NFKB1: variants seen among roughly 807,000 people sequenced by gnomAD.
NFKB1 encodes nuclear factor NF-kappa-B p105 subunit.
NFKB1 carries 9 observed loss-of-function variants against 105.1 expected under a neutral mutation model. The ratio of observed to expected loss-of-function variants is 0.09; its 90% CI spans 0.05 to 0.15. NFKB1 has a LOEUF of 0.15. NFKB1 is among the 10% of genes least tolerant of loss of function. NFKB1 has a pLI of 1.00. For synonymous variants in NFKB1, 440 were observed against 442.2 expected (o/e 1.00, Z 0.06); for missense variants, 830 against 1,203.7 (o/e 0.69, Z 4.59).
intron 1 of NFKB1, among the ~76,000 whole-genome samples, chr4:102,505,865 AGTT>A (rs780030823): frequency 6.6e-6 from 1 of 150,866 alleles, no homozygotes; most frequent in Non-Finnish European, 1.5e-5. Flanking sequence ...AATGATATGA[AGTT>A]GTTGCAAAAT....
In NFKB1 at chr4:102,601,837, C is replaced by T. The variant is rs981936240; in HGVS notation, c.1752+828C>T. 2.6e-5 allele frequency among the ~76,000 whole-genome samples: 4 copies of T among 152,176 alleles called. No homozygotes were observed. The South Asian group carries it at 8.3e-4, about 31-fold the overall frequency. Reference sequence around the variant, plus strand: ...AGATGGGGTTCGGCTCCTGAGGTTTCCTCCTTCCTGCCCCTGATTGCTTTT... The same window carrying T: ...AGATGGGGTTCGGCTCCTGAGGTTTTCTCCTTCCTGCCCCTGATTGCTTTT... On this transcript the variant is annotated intron_variant, in intron 16 of 23. Coordinates refer to ENST00000226574, the MANE Select transcript of NFKB1 (RefSeq NM_003998.4).
chr4:102,556,438 A>G (rs745533602), intron 5 of NFKB1, among the ~76,000 whole-genome samples: 25 of 152,334 alleles, frequency 1.6e-4, no homozygotes, highest in Non-Finnish European at 3.5e-4. Flanking sequence ...CTGCTGAAAC[A>G]TCTCTTTGAG....
At chr4:102,524,633 C>A (rs951078250) in intron 1 of NFKB1, among the ~76,000 whole-genome samples, 2 of 152,194 alleles carry the variant, frequency 1.3e-5, no homozygotes, top group South Asian at 2.1e-4. Context: ...ATACAACTCA[C>A]CATAATGTAG....
At chr4:102,612,704 G>A (rs1728540261) in intron 22 of NFKB1, 98 bp downstream of exon 22, 5 of 1,227,270 alleles carry the variant, frequency 4.1e-6, no homozygotes, top group South Asian at 1.5e-5. Context: ...CCTTAACTCT[G>A]AAGAAGAAAA....
intron 2 of NFKB1, among the ~76,000 whole-genome samples, chr4:102,529,152 T>C (rs1322016172): frequency 6.6e-6 from 1 of 152,168 alleles, no homozygotes; most frequent in African/African-American, 2.4e-5. Flanking sequence ...AAGGTAGCAC[T>C]CACAGTTTCT....
chr4:102,569,342 T>C (rs902013839), intron 6 of NFKB1, among the ~76,000 whole-genome samples: 2 of 152,122 alleles, frequency 1.3e-5, no homozygotes, highest in African/African-American at 4.8e-5. Flanking sequence ...CACTACAGAA[T>C]CTTATCTTCA....
At chr4:102,606,120 C>T (rs1394517584) in intron 16 of NFKB1, among the ~76,000 whole-genome samples, 1 of 152,134 alleles carries the variant, frequency 6.6e-6, no homozygotes, top group Non-Finnish European at 1.5e-5. Flanking sequence ...TAACCCACCA[C>T]AGAAAAAATT....
In NFKB1 at chr4:102,610,656, T is replaced by A. The variant is rs1364255980; in HGVS notation, c.2309T>A (p.Val770Asp). ...SWENAGEDEG[V>D]VPGTTPLDMA... Reference sequence around the variant, plus strand: ...GAAAATGCAGGAGAGGATGAAGGAGTTGTGCCTGGAACCACGCCTCTAGAT... The same window carrying A: ...GAAAATGCAGGAGAGGATGAAGGAGATGTGCCTGGAACCACGCCTCTAGAT... Residue 770 changes from valine to aspartate, a missense_variant, in exon 20 of 24, where the codon GTT becomes GAT. Coordinates refer to ENST00000226574, the MANE Select transcript of NFKB1 (RefSeq NM_003998.4). 1.2e-6 allele frequency: 2 copies of A among 1,613,658 alleles called. No individual in the cohort carries two copies. The highest frequency in any genetic ancestry group is 1.7e-6 in the Non-Finnish European group (2 of 1,179,856).
At chr4:102,577,755 T>C in intron 7 of NFKB1, 1 of 905,130 alleles carries the variant, frequency 1.1e-6, no homozygotes. Context: ...TGACTCCCCC[T>C]CCTCGCCTGT....
intron 19 of NFKB1, among the ~76,000 whole-genome samples, chr4:102,608,772 T>C (rs969131618): frequency 3.3e-5 from 5 of 152,152 alleles, no homozygotes; most frequent in African/African-American, 1.2e-4. Flanking sequence ...TTTTGTTAAA[T>C]AGAACTTTTT....
intron 5 of NFKB1, among the ~76,000 whole-genome samples, chr4:102,555,678 C>G (rs183885442): frequency 2.0e-5 from 3 of 152,172 alleles, no homozygotes; most frequent in African/African-American, 7.2e-5. Flanking sequence ...AGCAAAGGCT[C>G]AAAAGTAGAA....
At chr4:102,573,517 A>G (rs934325704) in intron 6 of NFKB1, among the ~76,000 whole-genome samples, 31 of 152,004 alleles carry the variant, frequency 2.0e-4, no homozygotes, top group Non-Finnish European at 3.5e-4. Flanking sequence ...GGATATTAGC[A>G]TAGTTTCCTT....
intron 3 of NFKB1, among the ~76,000 whole-genome samples, chr4:102,533,586 A>G (rs1296365022): frequency 6.6e-6 from 1 of 152,224 alleles, no homozygotes; most frequent in Non-Finnish European, 1.5e-5. Context: ...TTATTGGGTT[A>G]GGAAATGTGC....
chr4:102,518,095 A>G (rs1740322637), intron 1 of NFKB1, among the ~76,000 whole-genome samples: 1 of 152,214 alleles, frequency 6.6e-6, no homozygotes, highest in African/African-American at 2.4e-5. Context: ...AAGAAACAAC[A>G]TGAAGAAAAT....
intron 4 of NFKB1, 50 bp from the exon 5 acceptor site, chr4:102,537,808 T>A (rs1221232738): frequency 8.6e-7 from 1 of 1,157,882 alleles, no homozygotes; most frequent in Non-Finnish European, 1.3e-6. Flanking sequence ...TTGCCGTAAT[T>A]TTTAATAAGT....
At chr4:102,612,732 C>A in intron 22 of NFKB1, 126 bp downstream of exon 22, 1 of 911,320 alleles carries the variant, frequency 1.1e-6, no homozygotes, top group Non-Finnish European at 1.6e-6. Context: ...TTGCCCAAGG[C>A]CTGGGAGGGT....
intron 5 of NFKB1, among the ~76,000 whole-genome samples, chr4:102,562,070 T>C (rs893061671): frequency 3.3e-5 from 5 of 152,112 alleles, no homozygotes; most frequent in Non-Finnish European, 7.4e-5. Context: ...AGTTGTCAGC[T>C]TGAAGAAAAT....
chr4:102,580,392 C>T, intron 8 of NFKB1, 143 bp from the exon 9 acceptor site: 15 of 680,540 alleles, frequency 2.2e-5, no homozygotes, highest in Non-Finnish European at 3.4e-5. Context: ...AGAAGCCATT[C>T]TTGTTTTATT....
intron 16 of NFKB1, among the ~76,000 whole-genome samples, chr4:102,605,144 T>G (rs1727592470): frequency 6.6e-6 from 1 of 152,188 alleles, no homozygotes; most frequent in African/African-American, 2.4e-5. Flanking sequence ...AAACACAGAT[T>G]AGTAAACACA....
Sources: gnomAD v4.1 joint callset for allele counts (sites outside exome capture counted in the v4.1 genomes callset) on GRCh38, gnomAD v4.1.1 for gene constraint, MANE v1.5 for transcripts, NCBI Gene and HGNC (gene_info 2026-07-23, HGNC 2026-07-21) for gene names.